PKHD1L1: variants seen among roughly 807,000 people sequenced by gnomAD.
PKHD1L1 encodes PKHD1 like 1, also known as fibrocystin-L.
Under a neutral mutation model 462.9 loss-of-function variants are expected in PKHD1L1, and 434 were observed. That is an observed-to-expected ratio of 0.94 (90% confidence interval 0.87 to 1.02). PKHD1L1 has a LOEUF of 1.02. PKHD1L1 is among the 50% of genes least tolerant of loss of function. PKHD1L1 has a pLI of 0.00. For synonymous variants in PKHD1L1, 1,781 were observed against 1,750.0 expected (o/e 1.02, Z -0.44); for missense variants, 5,202 against 5,096.1 (o/e 1.02, Z -0.63).
intron 5 of PKHD1L1, among the ~76,000 whole-genome samples, chr8:109,384,364 C>T (rs1000033281): frequency 6.6e-6 from 1 of 151,872 alleles, no homozygotes; most frequent in African/African-American, 2.4e-5. Context: ...CATCATGAGA[C>T]CCTCTCTCTA....
Position 109,377,072 on chromosome 8 carries a change from C to A in PKHD1L1, c.164-4298C>A, listed in dbSNP as rs565172602. Among the ~76,000 whole-genome samples the A allele has an allele frequency of 1.6e-4, 24 of 152,264 alleles. No homozygotes were observed. In the South Asian group the frequency reaches 5.0e-3, roughly 32 times the overall value. On this transcript the variant is annotated intron_variant, in intron 2 of 77. Transcript: ENST00000378402. ...TGTCTAGCAGACCTTTGTGGAACAC[C>A]GAAAATGCGTAATAATTTAAAAAGC...
intron 21 of PKHD1L1, among the ~76,000 whole-genome samples, chr8:109,417,811 A>G (rs1814262326): frequency 6.6e-6 from 1 of 152,174 alleles, no homozygotes; most frequent in African/African-American, 2.4e-5. Context: ...CGGCCTCCCA[A>G]AGCTCTGGGA....
intron 59 of PKHD1L1, among the ~76,000 whole-genome samples, chr8:109,489,283 A>T (rs1818707944): frequency 6.6e-6 from 1 of 151,938 alleles, no homozygotes; most frequent in Admixed American, 6.6e-5. Flanking sequence ...TTTTTTAACT[A>T]GATGATAGAG....
Position 109,479,564 on chromosome 8 carries a change from G to A in PKHD1L1, c.9103G>A (p.Asp3035Asn). ...RPATYNLWSN[D>N]SFWQSSRENN... is the part of the protein sequence containing the mutation. ...TTCTCTTTTCAGTTTATGGTCAAAT[G>A]ATTCTTTTTGGCAATCATCACGAGA... The change falls in exon 54 of 78, where the codon GAT (aspartate) becomes AAT (asparagine). Residue 3035 changes from aspartate to asparagine, a missense_variant. Physicochemically the swap from Asp to Asn is conservative, Grantham distance 23. Around this residue, in one of 3 missense-constraint regions of PKHD1L1, gnomAD observed 4,497 missense variants for 4,336.8 expected, o/e 1.04. Coordinates refer to ENST00000378402, the MANE Select transcript of PKHD1L1 (RefSeq NM_177531.6). The A allele has an allele frequency of 6.6e-7, 1 of 1,515,558 alleles. No individual in the cohort carries two copies. Among genetic ancestry groups the A allele is most frequent in the Non-Finnish European group, 9.1e-7 (1 of 1,101,780 alleles). The allele number at this position is 1,515,558 out of a possible 1,614,324, so 93.9% of individuals were successfully genotyped here. A position where few individuals can be genotyped will look rare whatever the true frequency, so the allele number is the denominator to read the frequency against.
At chr8:109,433,585 C>A (rs1815230877) in intron 28 of PKHD1L1, among the ~76,000 whole-genome samples, 1 of 152,088 alleles carries the variant, frequency 6.6e-6, no homozygotes, top group South Asian at 2.1e-4. Flanking sequence ...TTTGACAATG[C>A]CATGCAGGAA....
intron 30 of PKHD1L1, among the ~76,000 whole-genome samples, chr8:109,437,327 C>G (rs1168547897): frequency 6.6e-6 from 1 of 152,086 alleles, no homozygotes; most frequent in African/African-American, 2.4e-5. Context: ...AATCATTATT[C>G]TTTATTTTTA....
At chr8:109,482,568 G>A (rs73704027) in intron 56 of PKHD1L1, among the ~76,000 whole-genome samples, 7,350 of 151,456 alleles carry the variant, frequency 0.049, 432 homozygotes, top group African/African-American at 0.14. Context: ...ATATTATTAC[G>A]CAGTTTTCTT....
At chr8:109,431,111 G>A (rs1021744849) in intron 27 of PKHD1L1, among the ~76,000 whole-genome samples, 2 of 151,836 alleles carry the variant, frequency 1.3e-5, no homozygotes, top group Non-Finnish European at 2.9e-5. Context: ...GAGACTACAG[G>A]TGCATACCAC....
chr8:109,440,997 T>G, intron 33 of PKHD1L1, 145 bp downstream of exon 33: 2 of 1,018,186 alleles, frequency 2.0e-6, no homozygotes, highest in Non-Finnish European at 2.8e-6. Flanking sequence ...TTGGTTAAAG[T>G]GATAAAGAGA....
rs1821118285 is a variant in PKHD1L1, at chr8:109,535,061, G to A, written c.*4971G>A. On this transcript the variant is annotated 3_prime_UTR_variant, in exon 78 of 78. Transcript: ENST00000378402. ...TTCCTATCCTGCTTTTTGAGATTAA[G>A]AAATCTTTTAAAAATATTACAGAAA... is the stretch of plus-strand genomic sequence containing the variant. 6.6e-6 allele frequency among the ~76,000 whole-genome samples: 1 copy of A among 152,068 alleles called. No individual in the cohort carries two copies. The highest frequency in any genetic ancestry group is 1.5e-5 in the Non-Finnish European group (1 of 67,984).
chr8:109,456,123 T>C, intron 45 of PKHD1L1, 139 bp from the exon 46 acceptor site: 1 of 828,306 alleles, frequency 1.2e-6, no homozygotes, highest in Non-Finnish European at 1.8e-6. Context: ...TATTTCTTTT[T>C]GGAGAAATGT....
Position 109,362,492 on chromosome 8 carries a change from C to G in PKHD1L1, c.-89C>G. The G allele has an allele frequency of 3.8e-6, 5 of 1,323,054 alleles. No homozygotes were observed. The highest frequency in any genetic ancestry group is 5.3e-6 in the Non-Finnish European group (5 of 943,442). The allele number at this position is 1,323,054 out of a possible 1,614,324, so 82.0% of individuals were successfully genotyped here. ...CAGCTCTCCCGGGACGAAGCGGGCC[C>G]GCCAGCGAGTCGCAGTCCCAGGAGC... On this transcript the variant is annotated 5_prime_UTR_variant, in exon 1 of 78. Transcript: ENST00000378402.
rs773589317 is a variant in PKHD1L1 at position 109,464,373 on chromosome 8, A to G, written c.7541A>G (p.Glu2514Gly). 1 of 1,613,398 alleles carries G rather than the reference A, an allele frequency of 6.2e-7. No homozygotes were observed. Among genetic ancestry groups the G allele is most frequent in the South Asian group, 1.1e-5 (1 of 91,038 alleles). The change falls in exon 49 of 78, where the codon GAG becomes GGG. Residue 2514 changes from glutamate to glycine, a missense_variant. Transcript: ENST00000378402. ...CATAACACACACCATCTTCTGGTTG[A>G]GAGGAATATTATATATGATATTAAG... ...TIHNTHHLLV[E>G]RNIIYDIKGG...
chr8:109,425,349 T>C, intron 24 of PKHD1L1, 117 bp downstream of exon 24: 1 of 607,768 alleles, frequency 1.6e-6, no homozygotes, highest in Non-Finnish European at 2.4e-6. Context: ...ACAAATATAT[T>C]AATTATTTAT....
chr8:109,425,571 A>G (rs1270864801), intron 24 of PKHD1L1, among the ~76,000 whole-genome samples: 1 of 152,088 alleles, frequency 6.6e-6, no homozygotes, highest in Non-Finnish European at 1.5e-5. Context: ...GCAAAAATTT[A>G]TAACAATTTT....
intron 28 of PKHD1L1, 46 bp downstream of exon 28, chr8:109,433,262 A>G: frequency 7.2e-7 from 1 of 1,387,572 alleles, no homozygotes; most frequent in South Asian, 1.2e-5. Context: ...CTTCTCTAAG[A>G]TAAAGTGGAA....
At chr8:109,430,447 A>G (rs1450975917) in intron 27 of PKHD1L1, among the ~76,000 whole-genome samples, 3 of 152,188 alleles carry the variant, frequency 2.0e-5, no homozygotes, top group Non-Finnish European at 4.4e-5. Context: ...GGCTAGTAAC[A>G]AGACATCTGC....
chr8:109,408,636 C>A (rs1813686231), intron 18 of PKHD1L1, among the ~76,000 whole-genome samples: 1 of 151,994 alleles, frequency 6.6e-6, no homozygotes. Context: ...TTTTATACAT[C>A]AGAGAGAAAT....
At position 109,508,225 on chromosome 8, in the gene PKHD1L1, G is replaced by C. The variant is rs748240344; in HGVS notation, c.11356G>C (p.Val3786Leu). ...PDTETRRLSP[V>L]AIMGNGYVDL... ...CACAGAAACTCGAAGACTTTCCCCA[G>C]TGGCTATAATGGGCAACGGTTATGT... The change falls in exon 70 of 78, where the codon GTG becomes CTG. Residue 3786 changes from valine to leucine, a missense_variant. Val to Leu is a conservative substitution (Grantham distance 32). Coordinates refer to ENST00000378402, the MANE Select transcript of PKHD1L1 (RefSeq NM_177531.6). 1 of 1,612,866 alleles carries C rather than the reference G, an allele frequency of 6.2e-7. No individual in the cohort carries two copies. Among genetic ancestry groups the C allele is most frequent in the South Asian group, 1.1e-5 (1 of 90,924 alleles).
Sources: gnomAD v4.1 joint callset for allele counts (sites outside exome capture counted in the v4.1 genomes callset) on GRCh38, gnomAD v4.1.1 for gene constraint, gnomAD v4.1.1 regional missense constraint, MANE v1.5 for transcripts, NCBI Gene and HGNC (gene_info 2026-07-23, HGNC 2026-07-21) for gene names.